The following ABLIM3 variants were observed in gnomAD, a reference collection of about 807,000 sequenced individuals.
ABLIM3 encodes the protein actin-binding LIM protein 3.
ABLIM3 carries 61 observed loss-of-function variants against 109.5 expected under a neutral mutation model. That is an observed-to-expected ratio of 0.56 (90% CI 0.45 to 0.69). ABLIM3 has a LOEUF of 0.69. ABLIM3 is among the 30% of genes least tolerant of loss of function. ABLIM3 has a pLI of 0.00. For synonymous variants in ABLIM3, 300 were observed against 324.8 expected, an observed-to-expected ratio of 0.92 and a Z score of 0.82; for missense variants, 796 against 889.5, an observed-to-expected ratio of 0.89 and a Z score of 1.34.
Position 149,198,493 on chromosome 5 carries a change from A to T in ABLIM3, c.335+91A>T. 7.0e-7 allele frequency: 1 copy of T among 1,435,672 alleles called. No individual in the cohort carries two copies. The highest frequency in any genetic ancestry group is 2.5e-5 in the East Asian group (1 of 40,624). The allele number at this position is 1,435,672 out of a possible 1,614,324, so 88.9% of individuals were successfully genotyped here. ...CTTTTTCCAGGAAGTTCTGGGGTTT[A>T]CAAGGTTTGTGCTGCACATTTAGAT... On this transcript the variant is annotated intron_variant, in intron 4 of 23. Transcript: ENST00000309868. This position sits in a 1 kb window ranked among gnomAD's most constrained non-coding sequence, Gnocchi z 4.2.
intron 2 of ABLIM3, among the ~76,000 whole-genome samples, chr5:149,143,889 A>G (rs368316723): frequency 7.9e-5 from 12 of 152,340 alleles, no homozygotes; most frequent in African/African-American, 2.9e-4. Context: ...AAATGTATTT[A>G]TGAGAGTCCT....
intron 7 of ABLIM3, among the ~76,000 whole-genome samples, chr5:149,212,142 C>T (rs1759618560): frequency 6.6e-6 from 1 of 152,058 alleles, no homozygotes; most frequent in Non-Finnish European, 1.5e-5. Context: ...AGTTTTAAGC[C>T]AAGGACTAAC....
Position 149,198,299 on chromosome 5 carries a change from T to C in ABLIM3, c.232T>C (p.Tyr78His), listed in dbSNP as rs145134862. The change falls in exon 4 of 24, where the codon TAT (tyrosine) becomes CAT (histidine). Residue 78 changes from tyrosine to histidine, a missense_variant. Transcript: ENST00000309868. The surrounding 1 kb of genome is among the most constrained non-coding windows in gnomAD (Gnocchi z 4.2). ...YICTQDYQQL[Y>H]GTRCDSCRDF... The stretch of plus-strand genomic sequence containing the variant: ...CTGCACCCAGGACTACCAGCAACTC[T>C]ATGGCACCCGCTGTGACAGCTGCCG... 12 of 1,614,080 alleles carry C rather than the reference T, an allele frequency of 7.4e-6. No individual in the cohort carries two copies. The Admixed American group carries it at 1.0e-4, about 13-fold the overall frequency.
intron 8 of ABLIM3, among the ~76,000 whole-genome samples, chr5:149,227,206 G>A (rs1761395788): frequency 6.6e-6 from 1 of 151,740 alleles, no homozygotes; most frequent in Non-Finnish European, 1.5e-5. Flanking sequence ...AGAGAGATAA[G>A]ACTGACTGCT....
intron 3 of ABLIM3, among the ~76,000 whole-genome samples, chr5:149,188,493 GC>G (rs1757180620): frequency 6.6e-6 from 1 of 152,158 alleles, no homozygotes; most frequent in Non-Finnish European, 1.5e-5. Context: ...GTTAAACAAG[GC>G]CTAAATAAAT....
At chr5:149,205,666 G>T (rs867265548) in intron 5 of ABLIM3, among the ~76,000 whole-genome samples, 1 of 152,182 alleles carries the variant, frequency 6.6e-6, no homozygotes, top group Non-Finnish European at 1.5e-5. Flanking sequence ...AGAATAGAAA[G>T]GAAGAGAGAT....
At chr5:149,218,386 C>T (rs995618901) in intron 8 of ABLIM3, 3 of 152,260 alleles carry the variant, frequency 2.0e-5, no homozygotes, top group Non-Finnish European at 4.4e-5. Flanking sequence ...CTCCTAAGAC[C>T]ATCACCTTGG....
chr5:149,254,502 G>A (rs1179971933), intron 23 of ABLIM3, among the ~76,000 whole-genome samples: 3 of 152,166 alleles, frequency 2.0e-5, no homozygotes, highest in Admixed American at 1.3e-4. Flanking sequence ...GAAATAGGAG[G>A]CTCAGCACCC....
intron 18 of ABLIM3, among the ~76,000 whole-genome samples, chr5:149,248,235 C>T (rs1753577357): frequency 6.6e-6 from 1 of 152,194 alleles, no homozygotes; most frequent in Non-Finnish European, 1.5e-5. Context: ...AAAGGTTAGC[C>T]CCAAACCCTG....
At chr5:149,166,730 G>C (rs1754872153) in intron 2 of ABLIM3, among the ~76,000 whole-genome samples, 1 of 152,236 alleles carries the variant, frequency 6.6e-6, no homozygotes, top group South Asian at 2.1e-4. Context: ...AAGAATAAAA[G>C]TTGGCAAACT....
At chr5:149,248,201 A>G (rs921463066) in intron 18 of ABLIM3, among the ~76,000 whole-genome samples, 3 of 152,196 alleles carry the variant, frequency 2.0e-5, no homozygotes, top group Non-Finnish European at 4.4e-5. Context: ...TGGGCTAACA[A>G]AAGAATCAGA....
chr5:149,223,954 T>C (rs1255134806), intron 8 of ABLIM3, among the ~76,000 whole-genome samples: 1 of 152,206 alleles, frequency 6.6e-6, no homozygotes, highest in Non-Finnish European at 1.5e-5. Context: ...TCTGCCAGTC[T>C]GAGCTCATGA....
At chr5:149,243,111 T>C (rs1753024948) in intron 15 of ABLIM3, among the ~76,000 whole-genome samples, 2 of 152,190 alleles carry the variant, frequency 1.3e-5, no homozygotes, top group Admixed American at 1.3e-4. Flanking sequence ...ATTCATTCAT[T>C]GATTTAGTGT....
rs1319285568 is a variant in ABLIM3 at position 149,259,454 on chromosome 5, G to T, written c.*1050G>T. On this transcript the variant is annotated 3_prime_UTR_variant, in exon 24 of 24. Transcript: ENST00000309868. ...GCCGTGTCTCAAAGAAAGGTTCTTG[G>T]TCTATGCCTCTGGTCTGTGGGCTGG... 5.2e-6 allele frequency: 8 copies of T among 1,534,288 alleles called. No individual in the cohort carries two copies. The South Asian group carries it at 8.3e-5, about 16-fold the overall frequency.
chr5:149,234,388 A>G (rs1482315054), intron 10 of ABLIM3, among the ~76,000 whole-genome samples: 1 of 152,200 alleles, frequency 6.6e-6, no homozygotes, highest in African/African-American at 2.4e-5. Flanking sequence ...GGTCTGTAAC[A>G]AGAAACCCAT....
intron 10 of ABLIM3, 23 bp from the exon 11 acceptor site, chr5:149,237,425 C>T: frequency 6.2e-7 from 1 of 1,610,982 alleles, no homozygotes; most frequent in Non-Finnish European, 8.5e-7. Flanking sequence ...TATTCCTTTC[C>T]TGTCCATTTC....
intron 14 of ABLIM3, among the ~76,000 whole-genome samples, 168 bp downstream of exon 14, chr5:149,240,942 G>A (rs777881446): frequency 2.4e-4 from 37 of 152,132 alleles, no homozygotes; most frequent in Admixed American, 5.2e-4. Context: ...ACACACCCAC[G>A]GGCTTCAGAT....
intron 2 of ABLIM3, among the ~76,000 whole-genome samples, chr5:149,175,306 T>C (rs767650140): frequency 6.6e-6 from 1 of 152,188 alleles, no homozygotes; most frequent in African/African-American, 2.4e-5. Flanking sequence ...GGCCTCAGAC[T>C]GGGATGGGCA....
At position 149,183,488 on chromosome 5, in the gene ABLIM3, G is replaced by A. The variant is rs760699681; in HGVS notation, c.50G>A (p.Ser17Asn). The A allele has an allele frequency of 2.5e-6, 4 of 1,588,984 alleles. No individual in the cohort carries two copies. Among genetic ancestry groups the A allele is most frequent in the Non-Finnish European group, 3.4e-6 (4 of 1,168,434 alleles). ...YQQNPYNPRG[S>N]SNVIQCYRCG... ...CAGAATCCTTACAATCCACGGGGCA[G>A]CTCCAATGTCATCCAGTGCTACCGC... The change falls in exon 3 of 24, where the codon AGC (serine) becomes AAC (asparagine). Residue 17 changes from serine (S) to asparagine (N), a missense_variant. Ser to Asn is a conservative substitution (Grantham distance 46). Transcript: ENST00000309868.
Sources: allele counts gnomAD v4.1 joint callset (sites outside exome capture counted in the v4.1 genomes callset), GRCh38; gene constraint gnomAD v4.1.1; non-coding constraint Gnocchi (gnomAD v3.1); transcripts MANE v1.5; gene names NCBI Gene and HGNC (gene_info 2026-07-23, HGNC 2026-07-21).